NOTCH2NLC: variants seen among roughly 807,000 people sequenced by gnomAD.
NOTCH2NLC encodes notch homolog 2 N-terminal-like protein C.
In NOTCH2NLC, 4 loss-of-function variants were observed where a neutral mutation model predicts 17.7. That is an observed-to-expected ratio of 0.23 (90% CI 0.11 to 0.52). The LOEUF (loss-of-function observed/expected upper bound fraction) is 0.52. Ranked by LOEUF, NOTCH2NLC falls within the 20% of genes least tolerant of loss-of-function variation. The pLI is 0.96. For missense variants in NOTCH2NLC, 57 were observed against 207.2 expected (o/e 0.28, Z 4.45); for synonymous variants, 18 against 86.0 (o/e 0.21, Z 4.38).
chr1:149,462,817 A>G (rs1419356052), intron 3 of NOTCH2NLC, among the ~76,000 whole-genome samples: 1 of 147,180 alleles, frequency 6.8e-6, no homozygotes, highest in Non-Finnish European at 1.5e-5. Flanking sequence ...TCACTAGGAA[A>G]ACAGACGGGA....
intron 1 of NOTCH2NLC, among the ~76,000 whole-genome samples, chr1:149,412,744 C>A (rs1295074346): frequency 2.6e-5 from 3 of 116,262 alleles, no homozygotes; most frequent in Non-Finnish European, 3.5e-5. Flanking sequence ...ACCTGGGAGG[C>A]GGAGGCTGCC....
intron 1 of NOTCH2NLC, among the ~76,000 whole-genome samples, chr1:149,416,848 G>A (rs1418937083): frequency 1.3e-4 from 18 of 142,282 alleles, no homozygotes; most frequent in Admixed American, 4.2e-4. Flanking sequence ...TAGTCAATGG[G>A]TGTTAGTCAT....
At chr1:149,419,484 T>C (rs2084366180) in intron 1 of NOTCH2NLC, among the ~76,000 whole-genome samples, 1 of 151,048 alleles carries the variant, frequency 6.6e-6, no homozygotes, top group Admixed American at 6.6e-5. Context: ...AATAGAATGA[T>C]TGTGAGCACT....
At chr1:149,398,042 A>G (rs1406033163) in intron 1 of NOTCH2NLC, among the ~76,000 whole-genome samples, 1 of 149,442 alleles carries the variant, frequency 6.7e-6, no homozygotes, top group Non-Finnish European at 1.5e-5. Flanking sequence ...CAGTTATTTT[A>G]TCATTTATCT....
chr1:149,437,048 C>T (rs1348442893), intron 2 of NOTCH2NLC, among the ~76,000 whole-genome samples: 1 of 118,984 alleles, frequency 8.4e-6, no homozygotes, highest in Non-Finnish European at 1.8e-5. Flanking sequence ...CATATTATTT[C>T]ACACTTCTTT....
intron 1 of NOTCH2NLC, among the ~76,000 whole-genome samples, chr1:149,424,212 C>T (rs1432883516): frequency 6.6e-6 from 1 of 151,266 alleles, no homozygotes; most frequent in Middle Eastern, 3.2e-3. Context: ...AGCTGATAAA[C>T]CTGAATAAAT....
At chr1:149,445,725 G>A (rs1317635548) in intron 2 of NOTCH2NLC, among the ~76,000 whole-genome samples, 4 of 149,510 alleles carry the variant, frequency 2.7e-5, no homozygotes, top group East Asian at 2.0e-4. Flanking sequence ...CTGCAGTGCC[G>A]ACGCAACCCA....
rs1328991090 is a variant in NOTCH2NLC, at chr1:149,446,685, T to A, written c.210-8633T>A. Among the ~76,000 whole-genome samples, 95 of 117,756 alleles carry A rather than the reference T, an allele frequency of 8.1e-4. 2 individuals are homozygous for A. The highest frequency in any genetic ancestry group is 4.7e-3 in the Middle Eastern group (1 of 212). 77.3% of individuals were successfully genotyped at this position (117,756 alleles called of 152,430 possible). A position where few individuals can be genotyped will look rare whatever the true frequency, so the allele number is the denominator to read the frequency against. ...AATATATCTTTATGGACCTGGTAAG[T>A]ATTCAGATTAGTTTATAGAGTTTAA... On this transcript the variant is annotated intron_variant, in intron 2 of 4. Coordinates refer to ENST00000650865, the MANE Select transcript of NOTCH2NLC (RefSeq NM_001364013.2).
rs1342215923 is a variant in NOTCH2NLC, at chr1:149,466,244, ATATGTG to A, written c.*2093_*2098del. On this transcript the variant is annotated 3_prime_UTR_variant, in exon 5 of 5. Transcript: ENST00000650865. ...ATCAAATAGTACTTGTTACATATCA[ATATGTG>A]TGTGTGTGTGTGTGTGTGTGTGTGT... 1 of 138,262 alleles carries A rather than the reference ATATGTG, an allele frequency of 7.2e-6. No individual in the cohort carries two copies. Among genetic ancestry groups the A allele is most frequent in the African/African-American group, 2.8e-5 (1 of 35,852 alleles). The allele number at this position is 138,262 out of a possible 1,614,324, so 8.6% of individuals were successfully genotyped here.
Position 149,464,526 on chromosome 1 carries a change from G to T in NOTCH2NLC, c.*373G>T. 1 of 187,368 alleles carries T rather than the reference G, an allele frequency of 5.3e-6. No individual in the cohort carries two copies. Among genetic ancestry groups the T allele is most frequent in the Non-Finnish European group, 1.1e-5 (1 of 89,682 alleles). The allele number at this position is 187,368 out of a possible 1,614,324, so 11.6% of individuals were successfully genotyped here. A position where few individuals can be genotyped will look rare whatever the true frequency, so the allele number is the denominator to read the frequency against. On this transcript the variant is annotated 3_prime_UTR_variant, in exon 5 of 5. Transcript: ENST00000650865. ...TTCACTGATACAAGTGTTCTAGAGTGCACACACAACCCAAAGATAGAAATA... is the reference window on the plus strand; with the variant it reads ...TTCACTGATACAAGTGTTCTAGAGTTCACACACAACCCAAAGATAGAAATA...
At position 149,471,704 on chromosome 1, in the gene NOTCH2NLC, G is replaced by T. The variant is rs2084721225; in HGVS notation, c.*7551G>T. Among the ~76,000 whole-genome samples, 1 of 149,752 alleles carries T rather than the reference G, an allele frequency of 6.7e-6. No homozygotes were observed. ...AAATATTCTGGAATTAGGTAGTGGTGATGGTTGCAGAACTTTTGGAATATG... is the reference window on the plus strand; with the variant it reads ...AAATATTCTGGAATTAGGTAGTGGTTATGGTTGCAGAACTTTTGGAATATG... On this transcript the variant is annotated 3_prime_UTR_variant, in exon 5 of 5. Transcript: ENST00000650865.
In NOTCH2NLC at chr1:149,470,693, AT is replaced by A. The variant is rs1423067181; in HGVS notation, c.*6543del. Among the ~76,000 whole-genome samples the A allele has an allele frequency of 2.5e-3, 302 of 120,256 alleles. 2 individuals carry two copies. The highest frequency in any genetic ancestry group is 4.3e-3 in the Non-Finnish European group (245 of 56,462). The allele number at this position is 120,256 out of a possible 152,430, so 78.9% of individuals were successfully genotyped here. On this transcript the variant is annotated 3_prime_UTR_variant, in exon 5 of 5. Coordinates refer to ENST00000650865, the MANE Select transcript of NOTCH2NLC (RefSeq NM_001364013.2). ...GGCTGAATAATATTTTATCATATGG[AT>A]TTACCACATTTTATCATTTTATTTA...
At chr1:149,402,628 G>A (rs1231144710) in intron 1 of NOTCH2NLC, among the ~76,000 whole-genome samples, 1,162 of 26,314 alleles carry the variant, frequency 0.044, 41 homozygotes, top group Middle Eastern at 0.065. Context: ...CTCTAGGGCC[G>A]CTGCAATAAA....
chr1:149,460,898 TC>T (rs2084644503), intron 3 of NOTCH2NLC, among the ~76,000 whole-genome samples: 1 of 91,202 alleles, frequency 1.1e-5, no homozygotes, highest in Admixed American at 1.2e-4. Flanking sequence ...TTTCTTTCTT[TC>T]TTTCTTTCTT....
chr1:149,443,097 C>CTG (rs1208697969), intron 2 of NOTCH2NLC, among the ~76,000 whole-genome samples: 5 of 16,166 alleles, frequency 3.1e-4, no homozygotes, highest in Non-Finnish European at 1.3e-4. Flanking sequence ...GGAATGAGGA[C>CTG]TGTGTGTGTG....
intron 1 of NOTCH2NLC, among the ~76,000 whole-genome samples, chr1:149,393,118 G>A (rs1416074149): frequency 3.4e-5 from 5 of 148,384 alleles, no homozygotes; most frequent in African/African-American, 1.2e-4. Flanking sequence ...TGTCAGAAAT[G>A]GGATTACTCT....
Position 149,469,590 on chromosome 1 carries a change from GA to G in NOTCH2NLC, c.*5438del, listed in dbSNP as rs1384514751. Among the ~76,000 whole-genome samples, 1 of 71,592 alleles carries G rather than the reference GA, an allele frequency of 1.4e-5. No homozygotes were observed. The highest frequency in any genetic ancestry group is 2.7e-5 in the Non-Finnish European group (1 of 36,574). 47.0% of individuals were successfully genotyped at this position (71,592 alleles called of 152,430 possible). A position where few individuals can be genotyped will look rare whatever the true frequency, so the allele number is the denominator to read the frequency against. On this transcript the variant is annotated 3_prime_UTR_variant, in exon 5 of 5. Transcript: ENST00000650865. ...CCTGAAAGTTGCTCTTCTGTGTGGG[GA>G]TGACAGGTTCTAAAGACTCTTTTCT... is the stretch of plus-strand genomic sequence containing the variant.
Position 149,438,834 on chromosome 1 carries a change from C to G in NOTCH2NLC, c.209+7819C>G, listed in dbSNP as rs1432646682. Among the ~76,000 whole-genome samples, 104 of 130,364 alleles carry G rather than the reference C, an allele frequency of 8.0e-4. 7 individuals are homozygous for G. The East Asian group carries it at 0.022, about 27-fold the overall frequency. 85.5% of individuals were successfully genotyped at this position (130,364 alleles called of 152,430 possible). On this transcript the variant is annotated intron_variant, in intron 2 of 4. Coordinates refer to ENST00000650865, the MANE Select transcript of NOTCH2NLC (RefSeq NM_001364013.2). ...GTAGAGCAATCATGGATCACTGCAG[C>G]CTCCACCTCCTAGGCTCAAGCCATC...
In NOTCH2NLC at chr1:149,417,097, CTTTTTTTTTTTTTTTTTTT is replaced by C. The variant is rs1171555647; in HGVS notation, c.136-13833_136-13815del. 1.6e-4 allele frequency among the ~76,000 whole-genome samples: 11 copies of C among 69,570 alleles called. 1 individual carries two copies. Among genetic ancestry groups the C allele is most frequent in the Admixed American group, 2.0e-4 (1 of 5,126 alleles). 45.6% of individuals were successfully genotyped at this position (69,570 alleles called of 152,430 possible). On this transcript the variant is annotated intron_variant, in intron 1 of 4. Coordinates refer to ENST00000650865, the MANE Select transcript of NOTCH2NLC (RefSeq NM_001364013.2). ...AGATTATGGTGGATATCAGGTTTTC[CTTTTTTTTTTTTTTTTTTT>C]TTTTTTTTTTTGAGACAGAGTCTCG... is the stretch of plus-strand genomic sequence containing the variant.
Sources: gnomAD v4.1 joint callset for allele counts (sites outside exome capture counted in the v4.1 genomes callset) on GRCh38, gnomAD v4.1.1 for gene constraint, MANE v1.5 for transcripts, NCBI Gene and HGNC (gene_info 2026-07-23, HGNC 2026-07-21) for gene names.